The following HS3ST3A1 variants were observed in gnomAD, a reference collection of about 807,000 sequenced individuals.
HS3ST3A1 encodes heparan sulfate glucosamine 3-O-sulfotransferase 3A1.
Under a neutral mutation model 25.7 loss-of-function variants are expected in HS3ST3A1, and 19 were observed. That is an observed-to-expected ratio of 0.74 (90% CI 0.52 to 1.08). The LOEUF (loss-of-function observed/expected upper bound fraction) is 1.08. HS3ST3A1 is among the 50% of genes least tolerant of loss of function. The pLI is 0.00. For synonymous variants in HS3ST3A1, 226 were observed against 278.6 expected, an observed-to-expected ratio of 0.81 and a Z score of 1.88; for missense variants, 459 against 594.3, an observed-to-expected ratio of 0.77 and a Z score of 2.37.
intron 1 of HS3ST3A1, among the ~76,000 whole-genome samples, chr17:13,585,658 G>C (rs1908238932): frequency 6.6e-6 from 1 of 151,874 alleles, no homozygotes; most frequent in Non-Finnish European, 1.5e-5. Flanking sequence ...GGAAGACCTA[G>C]GTCTGCTCCT....
intron 1 of HS3ST3A1, among the ~76,000 whole-genome samples, chr17:13,562,528 C>T (rs1907576016): frequency 6.6e-6 from 1 of 152,046 alleles, no homozygotes; most frequent in East Asian, 1.9e-4. Flanking sequence ...TAAAAATGTC[C>T]ACCGTGAAAG....
intron 1 of HS3ST3A1, among the ~76,000 whole-genome samples, chr17:13,589,207 T>C (rs1441125762): frequency 6.6e-6 from 1 of 152,222 alleles, no homozygotes. Context: ...AAAAAGTCGA[T>C]ATTCCAAGTT....
intron 1 of HS3ST3A1, among the ~76,000 whole-genome samples, chr17:13,512,136 A>G (rs1905882626): frequency 6.6e-6 from 1 of 151,940 alleles, no homozygotes; most frequent in Non-Finnish European, 1.5e-5. Context: ...CGTCTCTACT[A>G]AAAATACAAA....
chr17:13,516,832 G>T (rs1027419228), intron 1 of HS3ST3A1, among the ~76,000 whole-genome samples: 6 of 152,094 alleles, frequency 3.9e-5, no homozygotes, highest in African/African-American at 1.4e-4. Context: ...GATTACAGGC[G>T]CCTGCCACTA....
rs543142069 is a variant in HS3ST3A1 at position 13,510,475 on chromosome 17, G to GT, written c.600-13658dup. Among the ~76,000 whole-genome samples the GT allele has an allele frequency of 4.5e-4, 69 of 152,098 alleles. No individual in the cohort carries two copies. In the South Asian group the frequency reaches 6.0e-3, roughly 13 times the overall value. On this transcript the variant is annotated intron_variant, in intron 1 of 1. Transcript: ENST00000284110. Reference sequence around the variant, plus strand: ...TCTTCGTCATATTTTGGCGATGGTGGTTTTTTTTGTTGTTGGTTGTTTGTT... The same window carrying GT: ...TCTTCGTCATATTTTGGCGATGGTGGTTTTTTTTTGTTGTTGGTTGTTTGTT...
chr17:13,538,395 T>A (rs958136214), intron 1 of HS3ST3A1, among the ~76,000 whole-genome samples: 1 of 152,210 alleles, frequency 6.6e-6, no homozygotes, highest in Non-Finnish European at 1.5e-5. Context: ...ATTTTCATAG[T>A]AGCACTTAGA....
intron 1 of HS3ST3A1, among the ~76,000 whole-genome samples, chr17:13,522,836 CCACACACACACAGAGAGACACA>C (rs1447682593): frequency 8.5e-6 from 1 of 118,158 alleles, no homozygotes; most frequent in South Asian, 2.9e-4. Context: ...CACACACACA[CCACACACACACAGAGAGACACA>C]CACACACACA....
At chr17:13,499,661 A>G (rs12949477) in intron 1 of HS3ST3A1, among the ~76,000 whole-genome samples, 15,646 of 152,114 alleles carry the variant, frequency 0.1, 988 homozygotes, top group Non-Finnish European at 0.15. Context: ...GATTGAGGCT[A>G]TAGATTGCGC....
chr17:13,595,217 C>G (rs1908543320), intron 1 of HS3ST3A1, among the ~76,000 whole-genome samples: 1 of 152,108 alleles, frequency 6.6e-6, no homozygotes, highest in African/African-American at 2.4e-5. Flanking sequence ...CATAGTAAGG[C>G]AAAAATTCAA....
Position 13,505,202 on chromosome 17 carries a change from G to A in HS3ST3A1, c.600-8384C>T, listed in dbSNP as rs747072201. ...GATAAGAGAAAGTCAGCAGCCAAAGGGGATTACAAAAATAGTATACAGACG... is the reference window on the plus strand; with the variant it reads ...GATAAGAGAAAGTCAGCAGCCAAAGAGGATTACAAAAATAGTATACAGACG... On this transcript the variant is annotated intron_variant, in intron 1 of 1. Coordinates refer to ENST00000284110, the MANE Select transcript of HS3ST3A1 (RefSeq NM_006042.3). 2.0e-4 allele frequency among the ~76,000 whole-genome samples: 31 copies of A among 152,228 alleles called. 1 individual carries two copies. Among genetic ancestry groups the A allele is most frequent in the Middle Eastern group, 3.4e-3 (1 of 294 alleles).
chr17:13,548,770 G>A (rs956894961), intron 1 of HS3ST3A1, among the ~76,000 whole-genome samples: 2 of 152,100 alleles, frequency 1.3e-5, no homozygotes, highest in African/African-American at 4.8e-5. Flanking sequence ...GCGTTCTTGT[G>A]TCTAGCTAAA....
intron 1 of HS3ST3A1, among the ~76,000 whole-genome samples, chr17:13,582,956 A>C (rs1361638112): frequency 6.6e-6 from 1 of 152,216 alleles, no homozygotes; most frequent in Non-Finnish European, 1.5e-5. Flanking sequence ...ATTCCTGTGA[A>C]GATGTTACAG....
intron 1 of HS3ST3A1, among the ~76,000 whole-genome samples, chr17:13,510,327 A>G (rs1050686348): frequency 6.6e-6 from 1 of 152,240 alleles, no homozygotes; most frequent in South Asian, 2.1e-4. Context: ...GAGTCTTTGC[A>G]TATGTGCAGC....
intron 1 of HS3ST3A1, among the ~76,000 whole-genome samples, chr17:13,555,628 T>G (rs1268275368): frequency 1.3e-5 from 2 of 152,244 alleles, no homozygotes; most frequent in African/African-American, 4.8e-5. Flanking sequence ...CGTGGAGTTT[T>G]AGACCTAACA....
At chr17:13,510,467 C>T (rs368744702) in intron 1 of HS3ST3A1, among the ~76,000 whole-genome samples, 2 of 152,078 alleles carry the variant, frequency 1.3e-5, no homozygotes, top group African/African-American at 4.8e-5. Context: ...CATATTTTGG[C>T]GATGGTGGTT....
intron 1 of HS3ST3A1, among the ~76,000 whole-genome samples, chr17:13,547,753 G>T (rs1367803166): frequency 6.6e-6 from 1 of 152,064 alleles, no homozygotes; most frequent in Non-Finnish European, 1.5e-5. Flanking sequence ...TTGATATTTA[G>T]CCAGTCAGTC....
chr17:13,576,110 G>A (rs1359932342), intron 1 of HS3ST3A1, among the ~76,000 whole-genome samples: 1 of 152,228 alleles, frequency 6.6e-6, no homozygotes, highest in East Asian at 1.9e-4. Context: ...CACTGCCTTA[G>A]CAAATGGTGG....
chr17:13,502,048 C>A (rs1003188320), intron 1 of HS3ST3A1, among the ~76,000 whole-genome samples: 13 of 152,080 alleles, frequency 8.5e-5, no homozygotes, highest in African/African-American at 3.1e-4. Context: ...AACTGCTTGG[C>A]AATTTTCCTA....
At position 13,494,163 on chromosome 17, in the gene HS3ST3A1, CA is replaced by C. The variant is rs1905210307; in HGVS notation, c.*2033del. 1.3e-5 allele frequency among the ~76,000 whole-genome samples: 2 copies of C among 152,232 alleles called. 1 individual carries two copies. The highest frequency in any genetic ancestry group is 4.1e-4 in the South Asian group (2 of 4,824). On this transcript the variant is annotated 3_prime_UTR_variant, in exon 2 of 2. Coordinates refer to ENST00000284110, the MANE Select transcript of HS3ST3A1 (RefSeq NM_006042.3). Reference sequence around the variant, plus strand: ...AACACTTACAAAAGAATCAGTTGTACAAACAAAATGAGCTAAGAGAAATGAT... The same window carrying C: ...AACACTTACAAAAGAATCAGTTGTACAACAAAATGAGCTAAGAGAAATGAT...
Sources: gnomAD v4.1 joint callset for allele counts (sites outside exome capture counted in the v4.1 genomes callset) on GRCh38, gnomAD v4.1.1 for gene constraint, MANE v1.5 for transcripts, NCBI Gene and HGNC (gene_info 2026-07-23, HGNC 2026-07-21) for gene names.